Variants in CD163L1 observed in about 807,000 individuals in gnomAD.
CD163L1 encodes scavenger receptor cysteine-rich type 1 protein M160.
CD163L1 carries 124 observed loss-of-function variants against 165.4 expected under a neutral mutation model. The ratio of observed to expected loss-of-function variants is 0.75; its 90% confidence interval spans 0.65 to 0.87. CD163L1 has a LOEUF of 0.87. Ranked by LOEUF, CD163L1 falls within the 40% of genes least tolerant of loss-of-function variation. The pLI is 0.00. For synonymous variants in CD163L1, 585 were observed against 662.2 expected, an observed-to-expected ratio of 0.88 and a Z score of 1.79; for missense variants, 1,525 against 1,799.9, an observed-to-expected ratio of 0.85 and a Z score of 2.76.
intron 8 of CD163L1, among the ~76,000 whole-genome samples, chr12:7,384,499 C>A (rs372477271): frequency 6.6e-6 from 1 of 152,048 alleles, no homozygotes; most frequent in East Asian, 1.9e-4. Context: ...GCACATTATA[C>A]TCAAACTGTG....
chr12:7,389,960 T>TTGTA (rs112087077), intron 8 of CD163L1, among the ~76,000 whole-genome samples: 1 of 135,964 alleles, frequency 7.4e-6, no homozygotes, highest in Middle Eastern at 3.4e-3. Flanking sequence ...ATATATATAT[T>TTGTA]TATATATATA....
intron 2 of CD163L1, among the ~76,000 whole-genome samples, chr12:7,434,455 C>T (rs1948687657): frequency 6.6e-6 from 1 of 152,112 alleles, no homozygotes; most frequent in Admixed American, 6.5e-5. Flanking sequence ...TAACCCAAAT[C>T]TACTTGTAAG....
chr12:7,398,278 A>T lies in CD163L1; in HGVS notation c.1715T>A (p.Ile572Asn). The T allele has an allele frequency of 6.2e-7, 1 of 1,613,640 alleles. No individual in the cohort carries two copies. ...KHNCVHREDVIVTCSGDATWG... is the reference protein window; with the variant it reads ...KHNCVHREDVNVTCSGDATWG... ...ACAAGTCTTACCTGAGCAGGTTACA[A>T]TCACATCCTCTCTGTGTACACAATT... Residue 572 changes from isoleucine (I) to asparagine (N), a missense_variant, in exon 7 of 20, where the codon ATT becomes AAT. By Grantham distance (149) the Ile-to-Asn change is moderately radical. Coordinates refer to ENST00000313599, the MANE Select transcript of CD163L1 (RefSeq NM_174941.6). This position sits in a 1 kb window ranked among gnomAD's most constrained non-coding sequence, Gnocchi z 4.5.
At chr12:7,437,550 T>C (rs985176668) in intron 2 of CD163L1, among the ~76,000 whole-genome samples, 3 of 151,882 alleles carry the variant, frequency 2.0e-5, no homozygotes, top group East Asian at 3.9e-4. Context: ...GTGATCTCAT[T>C]GTTCAATTCC....
rs375934529 is a variant in CD163L1 at position 7,373,569 on chromosome 12, T to C, written c.3481A>G (p.Asn1161Asp). The C allele has an allele frequency of 6.2e-7, 1 of 1,614,146 alleles. No homozygotes were observed. The highest frequency in any genetic ancestry group is 8.5e-7 in the Non-Finnish European group (1 of 1,179,992). ...CTGCCGACGCTGCCCCAGGTCCCGT[T>C]ATAGAAGACTTCCAATCTCCCAGCA... ...SCAGRLEVFY[N>D]GTWGSVGRRN... is the part of the protein sequence containing the mutation. The change falls in exon 14 of 20, where the codon AAC becomes GAC. Residue 1161 changes from asparagine (N) to aspartate (D), a missense_variant. Coordinates refer to ENST00000313599, the MANE Select transcript of CD163L1 (RefSeq NM_174941.6).
intron 6 of CD163L1, among the ~76,000 whole-genome samples, chr12:7,399,288 TTTTC>T (rs1364458954): frequency 9.2e-6 from 1 of 108,476 alleles, no homozygotes; most frequent in Non-Finnish European, 1.6e-5. Flanking sequence ...TCTTCTTTCC[TTTTC>T]TTTCTCTCCT....
At chr12:7,417,965 G>A (rs1344075984) in intron 4 of CD163L1, among the ~76,000 whole-genome samples, 1 of 151,482 alleles carries the variant, frequency 6.6e-6, no homozygotes, top group Non-Finnish European at 1.5e-5. Context: ...AATGTAAATT[G>A]ATTAAATTCT....
At chr12:7,421,468 T>TATATACATGTACATATATACATAC (rs1948398589) in intron 4 of CD163L1, among the ~76,000 whole-genome samples, 1 of 93,402 alleles carries the variant, frequency 1.1e-5, no homozygotes, top group African/African-American at 6.5e-5. Flanking sequence ...TATATACATA[T>TATATACATGTACATATATACATAC]ATATACATAT....
At chr12:7,380,180 T>G (rs964643531) in intron 8 of CD163L1, among the ~76,000 whole-genome samples, 1 of 152,038 alleles carries the variant, frequency 6.6e-6, no homozygotes, top group East Asian at 1.9e-4. Flanking sequence ...AAAAGATACT[T>G]GCACACGCAT....
chr12:7,409,402 C>T lies in CD163L1; in HGVS notation c.767-2550G>A, dbSNP rs190333649. 3.3e-5 allele frequency among the ~76,000 whole-genome samples: 5 copies of T among 151,864 alleles called. No homozygotes were observed. The East Asian group carries it at 5.8e-4, about 18-fold the overall frequency. ...TGGAAAAAAATTTTTCCACGGGGGT[C>T]GGGGGGAATGGAGGGGACAGCGATG... is the stretch of plus-strand genomic sequence containing the variant. On this transcript the variant is annotated intron_variant, in intron 4 of 19. Transcript: ENST00000313599.
chr12:7,329,075 AAT>A, the CD163L1 span, among the ~76,000 whole-genome samples: 81 of 147,984 alleles, frequency 5.5e-4, no homozygotes, highest in African/African-American at 1.9e-3. Context: ...TCTGTATATA[AAT>A]ATATATATCT....
Position 7,398,499 on chromosome 12 carries a change from C to T in CD163L1, c.1494G>A (p.Gly498=), listed in dbSNP as rs1947826711. The change falls in exon 7 of 20, where the codon GGG becomes GGA. Residue 498 remains glycine (G), a synonymous_variant. Transcript: ENST00000313599. The surrounding 1 kb of genome is among the most constrained non-coding windows in gnomAD (Gnocchi z 4.5). ...RLEVKYQGEW[G]TVCHDRWSTR... Reference sequence around the variant, plus strand: ...TGCTCCATCTGTCATGACACACAGTCCCCCACTCTCCTTGGTATTTCACCT... The same window carrying T: ...TGCTCCATCTGTCATGACACACAGTTCCCCACTCTCCTTGGTATTTCACCT... The T allele has an allele frequency of 6.2e-7, 1 of 1,613,940 alleles. No individual in the cohort carries two copies. Among genetic ancestry groups the T allele is most frequent in the East Asian group, 2.2e-5 (1 of 44,864 alleles).
the CD163L1 span, among the ~76,000 whole-genome samples, chr12:7,338,484 T>C: frequency 1.3e-5 from 2 of 152,060 alleles, no homozygotes; most frequent in Non-Finnish European, 2.9e-5. Context: ...TTCAGGAAAA[T>C]ATGCTTTCCT....
chr12:7,376,525 C>A (rs1317964465), intron 9 of CD163L1, among the ~76,000 whole-genome samples: 1 of 152,184 alleles, frequency 6.6e-6, no homozygotes, highest in Non-Finnish European at 1.5e-5. Flanking sequence ...TTCCAAACTC[C>A]TGACTCATTT....
chr12:7,406,531 C>T lies in CD163L1; in HGVS notation c.1087+1G>A, dbSNP rs1394714546. 6.2e-7 allele frequency: 1 copy of T among 1,613,510 alleles called. No individual in the cohort carries two copies. Among genetic ancestry groups the T allele is most frequent in the Non-Finnish European group, 8.5e-7 (1 of 1,179,828 alleles). ...TGTAATCATGTGGATGTAAGTCTTA[C>T]CTGAGCAGATCACAGACACATCGTT... On this transcript the variant is annotated splice_donor_variant, in intron 5 of 19. Coordinates refer to ENST00000313599, the MANE Select transcript of CD163L1 (RefSeq NM_174941.6). LOFTEE classifies it high-confidence loss of function.
At chr12:7,422,077 AG>A (rs1270239317) in intron 4 of CD163L1, among the ~76,000 whole-genome samples, 1 of 152,090 alleles carries the variant, frequency 6.6e-6, no homozygotes, top group African/African-American at 2.4e-5. Context: ...TCTGGGACAA[AG>A]CTTCTAGAGG....
At chr12:7,339,552 C>T in the CD163L1 span, among the ~76,000 whole-genome samples, 13,864 of 152,158 alleles carry the variant, frequency 0.091, 736 homozygotes, top group East Asian at 0.17. Context: ...GTCAGTTCCA[C>T]AGTCTATGTG....
chr12:7,328,228 G>T, the CD163L1 span: 1 of 1,333,508 alleles, frequency 7.5e-7, no homozygotes, highest in Non-Finnish European at 1.0e-6. Flanking sequence ...CCTTCCTATC[G>T]CACGGACAAT....
At chr12:7,425,483 TA>T (rs1948525558) in intron 4 of CD163L1, among the ~76,000 whole-genome samples, 1 of 151,884 alleles carries the variant, frequency 6.6e-6, no homozygotes, top group Admixed American at 6.6e-5. Flanking sequence ...AATTGACAAA[TA>T]GGATTTAATT....
Sources: gnomAD v4.1 joint callset for allele counts (sites outside exome capture counted in the v4.1 genomes callset) on GRCh38, gnomAD v4.1.1 for gene constraint, Gnocchi (gnomAD v3.1) non-coding constraint, MANE v1.5 for transcripts, NCBI Gene and HGNC (gene_info 2026-07-23, HGNC 2026-07-21) for gene names.